Variants in NUP214 observed in about 807,000 individuals in gnomAD.
The protein encoded by NUP214 is nucleoporin 214, also known as nuclear pore complex protein Nup214.
A neutral mutation model predicts 196.2 loss-of-function variants in NUP214; 79 were observed. That is an observed-to-expected ratio of 0.40 (90% confidence interval 0.34 to 0.49). The LOEUF is 0.49. Among genes scored for constraint, NUP214 ranks in the 20% least tolerant of loss-of-function variants. The probability of loss-of-function intolerance (pLI) is 0.58; values close to 1 mark genes in which losing one functional copy is unlikely to be tolerated. For missense variants in NUP214, 2,468 were observed against 2,539.0 expected, an observed-to-expected ratio of 0.97 and a Z score of 0.60; for synonymous variants, 1,020 against 990.5, an observed-to-expected ratio of 1.03 and a Z score of -0.56.
chr9:131,224,811 T>G (rs1834678806), intron 32 of NUP214, among the ~76,000 whole-genome samples: 1 of 152,218 alleles, frequency 6.6e-6, no homozygotes, highest in Non-Finnish European at 1.5e-5. Context: ...CCACAAGGCT[T>G]TTATCCCAGT....
At chr9:131,152,671 G>A (rs2133521000) in intron 17 of NUP214, among the ~76,000 whole-genome samples, 1 of 152,250 alleles carries the variant, frequency 6.6e-6, no homozygotes, top group South Asian at 2.1e-4. Flanking sequence ...AAATTTCATA[G>A]GCTAAGTAGC....
chr9:131,147,205 C>G (rs749147589), intron 13 of NUP214, among the ~76,000 whole-genome samples: 4 of 152,010 alleles, frequency 2.6e-5, no homozygotes, highest in African/African-American at 7.2e-5. Context: ...TCAGGCTGGT[C>G]TCAAACTCCT....
At chr9:131,169,303 G>A (rs1319220308) in intron 21 of NUP214, among the ~76,000 whole-genome samples, 5 of 152,012 alleles carry the variant, frequency 3.3e-5, no homozygotes, top group South Asian at 4.2e-4. Flanking sequence ...CAAAGTGCTC[G>A]GATTACAGGT....
chr9:131,164,197 G>A (rs1244535437), intron 21 of NUP214, 53 bp downstream of exon 21: 4 of 1,540,346 alleles, frequency 2.6e-6, no homozygotes, highest in South Asian at 2.2e-5. Flanking sequence ...GTGGTGGGGT[G>A]TGTGTGTGTG....
At position 131,150,305 on chromosome 9, in the gene NUP214, C is replaced by T. The variant is rs776133724; in HGVS notation, c.2041-19C>T. On this transcript the variant is annotated intron_variant, in intron 14 of 35. Transcript: ENST00000359428. ...GAAGCTATGACTTGCAGTTTTTAAA[C>T]CTTTTCCTTCCATTTCAGGCAAAGT... 1.9e-6 allele frequency: 3 copies of T among 1,612,348 alleles called. No individual in the cohort carries two copies. Among genetic ancestry groups the T allele is most frequent in the Admixed American group, 1.7e-5 (1 of 59,998 alleles).
At position 131,150,725 on chromosome 9, in the gene NUP214, A is replaced by G; in HGVS notation, c.2237A>G (p.Asp746Gly). 1 of 1,613,956 alleles carries G rather than the reference A, an allele frequency of 6.2e-7. No individual in the cohort carries two copies. The highest frequency in any genetic ancestry group is 8.5e-7 in the Non-Finnish European group (1 of 1,179,948). Reference protein sequence around the residue: ...EMKMLRTESDDLHTFLLEIKE... With the variant: ...EMKMLRTESDGLHTFLLEIKE... ...AAGATGCTGCGAACAGAATCAGATG[A>G]CTTGCATACCTTTCTTTTGGAGATT... The change falls in exon 16 of 36, where the codon GAC becomes GGC. Residue 746 changes from aspartate to glycine, a missense_variant. Asp to Gly is a moderately conservative substitution (Grantham distance 94). This residue lies in a region of NUP214 where 1,801 missense variants were observed against 1,779.4 expected (regional missense o/e 1.01). Coordinates refer to ENST00000359428, the MANE Select transcript of NUP214 (RefSeq NM_005085.4).
rs1449936382 is a variant in NUP214 at position 131,197,248 on chromosome 9, C to T, written c.3754C>T (p.Pro1252Ser). The change falls in exon 29 of 36, where the codon CCG (proline) becomes TCG (serine). Residue 1252 changes from proline (P) to serine (S), a missense_variant. Coordinates refer to ENST00000359428, the MANE Select transcript of NUP214 (RefSeq NM_005085.4). The stretch of plus-strand genomic sequence containing the variant: ...ACCCTCCACTAAAGAGTCAAGCCAG[C>T]CGGACGCATTCTCATCTGGTGGGGG... ...ATPSTKESSQ[P>S]DAFSSGGGSK... 3 of 1,614,054 alleles carry T rather than the reference C, an allele frequency of 1.9e-6. No homozygotes were observed. The highest frequency in any genetic ancestry group is 2.7e-5 in the African/African-American group (2 of 74,914).
At position 131,198,219 on chromosome 9, in the gene NUP214, T is replaced by G; in HGVS notation, c.4725T>G (p.Pro1575=). ...CTACCCCAGCCACCACGGGGGTCCC[T>G]GATGCCAGGACGGAGGCAGTACCAC... ...AEATPATTGV[P]DARTEAVPPA... is the part of the protein sequence containing the mutation. Residue 1575 remains proline (P), a synonymous_variant, in exon 29 of 36, where the codon CCT becomes CCG. Coordinates refer to ENST00000359428, the MANE Select transcript of NUP214 (RefSeq NM_005085.4). The G allele has an allele frequency of 6.2e-7, 1 of 1,614,220 alleles. No individual in the cohort carries two copies. Among genetic ancestry groups the G allele is most frequent in the African/African-American group, 1.3e-5 (1 of 75,070 alleles).
At position 131,223,892 on chromosome 9, in the gene NUP214, G is replaced by A. The variant is rs1299942940; in HGVS notation, c.5902+962G>A. Among the ~76,000 whole-genome samples, 10 of 150,084 alleles carry A rather than the reference G, an allele frequency of 6.7e-5. No individual in the cohort carries two copies. The South Asian group carries it at 1.3e-3, about 19-fold the overall frequency. ...TGGGACTACAGGCGCCCGCCACCAC[G>A]CCCGGCTAATTTTTTGTATTTTTAG... On this transcript the variant is annotated intron_variant, in intron 32 of 35. Transcript: ENST00000359428.
chr9:131,132,851 A>G (rs549095628), intron 6 of NUP214, 192 bp downstream of exon 6: 2 of 622,578 alleles, frequency 3.2e-6, no homozygotes, highest in South Asian at 2.0e-5. Context: ...TTCACGATAA[A>G]TGACATGAAA....
intron 10 of NUP214, among the ~76,000 whole-genome samples, 155 bp from the exon 11 acceptor site, chr9:131,140,394 A>G (rs2281903): frequency 0.27 from 41,047 of 152,120 alleles, 5,812 homozygotes; most frequent in East Asian, 0.42. Flanking sequence ...CTGGTGCACG[A>G]AAGGCTGTTC....
rs1012888363 is a variant in NUP214 at position 131,139,533 on chromosome 9, T to A, written c.1132+126T>A. The A allele has an allele frequency of 4.5e-5, 63 of 1,392,980 alleles. 1 individual carries two copies. In the South Asian group the frequency reaches 8.3e-4, roughly 18 times the overall value. The allele number at this position is 1,392,980 out of a possible 1,614,324, so 86.3% of individuals were successfully genotyped here. A position where few individuals can be genotyped will look rare whatever the true frequency, so the allele number is the denominator to read the frequency against. On this transcript the variant is annotated intron_variant, in intron 10 of 35. Coordinates refer to ENST00000359428, the MANE Select transcript of NUP214 (RefSeq NM_005085.4). Reference sequence around the variant, plus strand: ...GGCACTTGTAGCTTCTGGCAGCACATTTCTCCCTGAAGAGTGATAACAGGC... The same window carrying A: ...GGCACTTGTAGCTTCTGGCAGCACAATTCTCCCTGAAGAGTGATAACAGGC...
rs1271636172 is a variant in NUP214, at chr9:131,134,919, G to A, written c.853G>A (p.Glu285Lys). ...LLPKKEEKHP[E>K]IFVNFMEPCY... ...GTAGAAAAAAGAAGAAAAGCACCCAGAGATATTTGTGAACTTTATGGAGCC... is the reference window on the plus strand; with the variant it reads ...GTAGAAAAAAGAAGAAAAGCACCCAAAGATATTTGTGAACTTTATGGAGCC... Residue 285 changes from glutamate to lysine, a missense_variant, in exon 8 of 36, where the codon GAG becomes AAG. Transcript: ENST00000359428. 1 of 1,613,678 alleles carries A rather than the reference G, an allele frequency of 6.2e-7. No homozygotes were observed. The highest frequency in any genetic ancestry group is 1.1e-5 in the South Asian group (1 of 91,086).
rs374875817 is a variant in NUP214, at chr9:131,144,479, G to T, written c.1494G>T (p.Glu498Asp). The change falls in exon 12 of 36, where the codon GAG (glutamate) becomes GAT (aspartate). Residue 498 changes from glutamate to aspartate, a missense_variant. Physicochemically the swap from Glu to Asp is conservative, Grantham distance 45. This residue lies in a region of NUP214 where 1,801 missense variants were observed against 1,779.4 expected (regional missense o/e 1.01). Coordinates refer to ENST00000359428, the MANE Select transcript of NUP214 (RefSeq NM_005085.4). Reference protein sequence around the residue: ...SLKSSATVTGEPPSYSSGSDS... With the variant: ...SLKSSATVTGDPPSYSSGSDS... Reference sequence around the variant, plus strand: ...AGTCATCTGCTACGGTCACTGGGGAGCCCCCTTCATATTCCAGTGGCTCCG... The same window carrying T: ...AGTCATCTGCTACGGTCACTGGGGATCCCCCTTCATATTCCAGTGGCTCCG... 2 of 1,614,130 alleles carry T rather than the reference G, an allele frequency of 1.2e-6. No homozygotes were observed. The highest frequency in any genetic ancestry group is 1.7e-6 in the Non-Finnish European group (2 of 1,180,018).
intron 30 of NUP214, among the ~76,000 whole-genome samples, chr9:131,206,419 TAG>T (rs1834089997): frequency 6.6e-6 from 1 of 151,728 alleles, no homozygotes; most frequent in African/African-American, 2.4e-5. Flanking sequence ...GTGCTGAGAT[TAG>T]AGACATGAGC....
intron 30 of NUP214, among the ~76,000 whole-genome samples, chr9:131,206,521 T>A (rs1284015118): frequency 1.3e-5 from 2 of 152,028 alleles, no homozygotes; most frequent in African/African-American, 4.8e-5. Flanking sequence ...CACAGGTAAC[T>A]GCAGCCTTGA....
intron 4 of NUP214, among the ~76,000 whole-genome samples, chr9:131,129,821 C>G (rs1831476249): frequency 6.6e-6 from 1 of 151,990 alleles, no homozygotes; most frequent in South Asian, 2.1e-4. Flanking sequence ...CCAGGCTGGT[C>G]TTGAACTCCT....
intron 9 of NUP214, chr9:131,136,878 T>A (rs1196907169): frequency 6.6e-6 from 1 of 152,242 alleles, no homozygotes; most frequent in Admixed American, 6.5e-5. Context: ...TGGCTTGAAC[T>A]TAAAAATCTT....
At chr9:131,213,349 A>G (rs1391964155) in intron 30 of NUP214, among the ~76,000 whole-genome samples, 1 of 151,912 alleles carries the variant, frequency 6.6e-6, no homozygotes, top group African/African-American at 2.4e-5. Context: ...CTAATTTTGT[A>G]TTTTTAGTAG....
Sources: allele counts gnomAD v4.1 joint callset (sites outside exome capture counted in the v4.1 genomes callset), GRCh38; gene constraint gnomAD v4.1.1; regional missense constraint gnomAD v4.1.1; transcripts MANE v1.5; gene names NCBI Gene and HGNC (gene_info 2026-07-23, HGNC 2026-07-21).